The following PA2G4 variants were observed in gnomAD, a reference collection of about 807,000 sequenced individuals.
The protein encoded by PA2G4 is proliferation-associated protein 2G4.
A neutral mutation model predicts 53.3 loss-of-function variants in PA2G4; 8 were observed. The observed-to-expected ratio is 0.15, with a 90% confidence interval of 0.09 to 0.27. The LOEUF (loss-of-function observed/expected upper bound fraction) is 0.27. Ranked by LOEUF, PA2G4 falls within the 10% of genes least tolerant of loss-of-function variation. The pLI is 1.00. For missense variants in PA2G4, 208 were observed against 486.8 expected (o/e 0.43, Z 5.39); for synonymous variants, 143 against 169.8 (o/e 0.84, Z 1.23).
chr12:56,110,680 C>T lies in PA2G4; in HGVS notation c.830C>T (p.Pro277Leu), dbSNP rs1174918188. 3.1e-6 allele frequency: 5 copies of T among 1,614,036 alleles called. No individual in the cohort carries two copies. Among genetic ancestry groups the T allele is most frequent in the East Asian group, 2.2e-5 (1 of 44,884 alleles). ...SEVERRFDAMPFTLRAFEDEK... is the reference protein window; with the variant it reads ...SEVERRFDAMLFTLRAFEDEK... The stretch of plus-strand genomic sequence containing the variant: ...GTGGAAAGGCGTTTTGATGCCATGC[C>T]GTTTACTTTAAGGTACTAAGCAATG... Residue 277 changes from proline to leucine, a missense_variant, in exon 9 of 13, where the codon CCG becomes CTG. Around this residue, in one of 3 missense-constraint regions of PA2G4, gnomAD observed 143 missense variants for 386.8 expected, o/e 0.37. Transcript: ENST00000303305.
Position 56,112,834 on chromosome 12 carries a change from T to G in PA2G4, c.1131T>G (p.Thr377=). The change falls in exon 13 of 13, where the codon ACT becomes ACG. Residue 377 remains threonine, a synonymous_variant. Transcript: ENST00000303305. ...QKKKKKKASK[T]AENATSGETL... ...TTTCTTGCATATAGGCCTCCAAGAC[T>G]GCAGAGAATGCCACCAGTGGGGAAA... The G allele has an allele frequency of 6.3e-7, 1 of 1,584,860 alleles. No homozygotes were observed. The highest frequency in any genetic ancestry group is 1.4e-5 in the African/African-American group (1 of 72,564).
rs1869428275 is a variant in PA2G4, at chr12:56,111,660, A to G, written c.1119+131A>G. On this transcript the variant is annotated intron_variant, in intron 12 of 12. Coordinates refer to ENST00000303305, the MANE Select transcript of PA2G4 (RefSeq NM_006191.3). ...AACTTATATGATAGAACTTTGTCCC[A>G]GTAAACCCATCATAAATTGAAAATA... 4.2e-6 allele frequency: 3 copies of G among 719,348 alleles called. No homozygotes were observed. In the South Asian group the frequency reaches 5.6e-5, roughly 13 times the overall value. 44.6% of individuals were successfully genotyped at this position (719,348 alleles called of 1,614,324 possible).
chr12:56,111,539 TA>T lies in PA2G4; in HGVS notation c.1119+12del. On this transcript the variant is annotated intron_variant, in intron 12 of 12. Transcript: ENST00000303305. ...AAAGAAAAAAAAGAAGGTGTGTTAT[TA>T]ACGATCATTCCTCTCTGGCAGGGTG... 6.2e-7 allele frequency: 1 copy of T among 1,611,392 alleles called. No homozygotes were observed. The highest frequency in any genetic ancestry group is 8.5e-7 in the Non-Finnish European group (1 of 1,178,502).
At chr12:56,111,448 AT>A (rs745758456) in intron 11 of PA2G4, 27 bp from the exon 12 acceptor site, 3 of 1,611,776 alleles carry the variant, frequency 1.9e-6, no homozygotes, top group Non-Finnish European at 2.5e-6. Context: ...ATTTCTCAAA[AT>A]TTTTTTCCCT....
At chr12:56,110,799 ACT>A in intron 9 of PA2G4, 107 bp downstream of exon 9, 1 of 1,404,384 alleles carries the variant, frequency 7.1e-7, no homozygotes, top group Non-Finnish European at 1.0e-6. Context: ...GCATGTGCTC[ACT>A]CCCTCCCTCT....
In PA2G4 at chr12:56,104,741, T is replaced by G; in HGVS notation, c.4T>G (p.Ser2Ala). 6.2e-7 allele frequency: 1 copy of G among 1,613,638 alleles called. No individual in the cohort carries two copies. Among genetic ancestry groups the G allele is most frequent in the Non-Finnish European group, 8.5e-7 (1 of 1,179,898 alleles). The change falls in exon 1 of 13, where the codon TCG becomes GCG. Residue 2 changes from serine to alanine, a missense_variant. By Grantham distance (99) the Ser-to-Ala change is moderately conservative (BLOSUM62 1). Around this residue, in one of 3 missense-constraint regions of PA2G4, gnomAD observed 15 missense variants for 17.6 expected, o/e 0.85. Transcript: ENST00000303305. MSGEDEQQEQTI... is the reference protein window; with the variant it reads MAGEDEQQEQTI... ...CTGCAGTGGTGGTAGTAGGAAGATG[T>G]CGGGCGAGGACGAGCAACAGGAGCA...
rs1323175031 is a variant in PA2G4 at position 56,112,994 on chromosome 12, C to CG, written c.*112dup. 3 of 696,712 alleles carry CG rather than the reference C, an allele frequency of 4.3e-6. No individual in the cohort carries two copies. The highest frequency in any genetic ancestry group is 3.3e-5 in the Admixed American group (1 of 30,642). The allele number at this position is 696,712 out of a possible 1,614,324, so 43.2% of individuals were successfully genotyped here. A position where few individuals can be genotyped will look rare whatever the true frequency, so the allele number is the denominator to read the frequency against. On this transcript the variant is annotated 3_prime_UTR_variant, in exon 13 of 13. Coordinates refer to ENST00000303305, the MANE Select transcript of PA2G4 (RefSeq NM_006191.3). ...TCTCCACCTAGGACCGCCAGCAGAG[C>CG]GGGGGGATCTCCCTGCCCCCACCCC...
At chr12:56,106,349 T>C in intron 1 of PA2G4, 2 of 359,976 alleles carry the variant, frequency 5.6e-6, no homozygotes, top group Non-Finnish European at 1.0e-5. Context: ...CATAACTCTG[T>C]CCTGTCACAC....
Position 56,104,615 on chromosome 12 carries a change from C to T in PA2G4, c.-123C>T. ...CTGCCTGCCCGCTCCCTTGCTTGCT[C>T]GCGCTTTCGCTCGCCCTCTCCTCGA... On this transcript the variant is annotated 5_prime_UTR_variant, in exon 1 of 13. Transcript: ENST00000303305. 1 of 974,330 alleles carries T rather than the reference C, an allele frequency of 1.0e-6. No homozygotes were observed. The allele number at this position is 974,330 out of a possible 1,614,324, so 60.4% of individuals were successfully genotyped here. A position where few individuals can be genotyped will look rare whatever the true frequency, so the allele number is the denominator to read the frequency against.
chr12:56,104,958 C>T lies in PA2G4; in HGVS notation c.88+133C>T, dbSNP rs563532286. 80 of 864,298 alleles carry T rather than the reference C, an allele frequency of 9.3e-5. 1 individual carries two copies. In the South Asian group the frequency reaches 1.1e-3, roughly 12 times the overall value. 53.5% of individuals were successfully genotyped at this position (864,298 alleles called of 1,614,324 possible). A position where few individuals can be genotyped will look rare whatever the true frequency, so the allele number is the denominator to read the frequency against. ...GCCCGCACCGGTCCGCTGGGCACGGCGTGGTGGGAAGACCCGGTGTCGCGC... is the reference window on the plus strand; with the variant it reads ...GCCCGCACCGGTCCGCTGGGCACGGTGTGGTGGGAAGACCCGGTGTCGCGC... On this transcript the variant is annotated intron_variant, in intron 1 of 12. Coordinates refer to ENST00000303305, the MANE Select transcript of PA2G4 (RefSeq NM_006191.3).
chr12:56,111,629 C>T, intron 12 of PA2G4, 100 bp downstream of exon 12: 1 of 1,005,604 alleles, frequency 9.9e-7, no homozygotes, highest in Non-Finnish European at 1.5e-6. Flanking sequence ...TATACAGATG[C>T]TCCTCAACTT....
rs1270794481 is a variant in PA2G4 at position 56,109,268 on chromosome 12, C to T, written c.525C>T (p.His175=). 1.2e-6 allele frequency: 2 copies of T among 1,611,664 alleles called. No homozygotes were observed. The highest frequency in any genetic ancestry group is 1.7e-6 in the Non-Finnish European group (2 of 1,179,048). The change falls in exon 6 of 13, where the codon CAC becomes CAT. Residue 175 remains histidine (H), a synonymous_variant. Coordinates refer to ENST00000303305, the MANE Select transcript of PA2G4 (RefSeq NM_006191.3). ...CAGAAGCCTGGAACAAAGTTGCCCACTCATTTAACTGCACGCCAATAGAAG... is the reference window on the plus strand; with the variant it reads ...CAGAAGCCTGGAACAAAGTTGCCCATTCATTTAACTGCACGCCAATAGAAG... ...QVTEAWNKVA[H]SFNCTPIEGM... is the part of the protein sequence containing the mutation.
chr12:56,107,965 G>T (rs1869335796), intron 5 of PA2G4, among the ~76,000 whole-genome samples: 1 of 152,174 alleles, frequency 6.6e-6, no homozygotes, highest in African/African-American at 2.4e-5. Flanking sequence ...GGAGATTGAG[G>T]CTGTGCTGAG....
intron 6 of PA2G4, among the ~76,000 whole-genome samples, chr12:56,109,629 C>CAA (rs34060703): frequency 0.23 from 19,334 of 84,526 alleles, 2,373 homozygotes; most frequent in African/African-American, 0.43. Flanking sequence ...TCCTCCATCT[C>CAA]AAAAAAAAAA....
At chr12:56,110,506 G>A (rs762505202) in intron 8 of PA2G4, 29 bp downstream of exon 8, 2 of 1,613,694 alleles carry the variant, frequency 1.2e-6, no homozygotes, top group South Asian at 1.1e-5. Context: ...TTGGCAAAGA[G>A]GGGTGACTGA....
intron 1 of PA2G4, 31 bp from the exon 2 acceptor site, chr12:56,106,557 C>A: frequency 2.0e-6 from 3 of 1,513,090 alleles, no homozygotes; most frequent in Non-Finnish European, 1.8e-6. Flanking sequence ...TGAATACATA[C>A]AAGGCTGACA....
chr12:56,107,738 G>A, intron 5 of PA2G4, 125 bp downstream of exon 5: 1 of 618,642 alleles, frequency 1.6e-6, no homozygotes. Context: ...TTTAAAATTA[G>A]CTATATTTAG....
At position 56,111,456 on chromosome 12, in the gene PA2G4, C is replaced by T. The variant is rs78495700; in HGVS notation, c.1066-20C>T. 887 of 1,611,868 alleles carry T rather than the reference C, an allele frequency of 5.5e-4. 13 individuals are homozygous for T. The East Asian group carries it at 0.012, about 22-fold the overall frequency. ...CCTCCACATTTCTCAAAATTTTTTT[C>T]CCTTCTTCCTGTTTTCCAGGCCCTC... On this transcript the variant is annotated intron_variant, in intron 11 of 12. Transcript: ENST00000303305.
In PA2G4 at chr12:56,109,215, ATGT is replaced by A; in HGVS notation, c.487-11_487-9del. 2 of 1,588,408 alleles carry A rather than the reference ATGT, an allele frequency of 1.3e-6. No homozygotes were observed. The highest frequency in any genetic ancestry group is 1.7e-6 in the Non-Finnish European group (2 of 1,159,056). On this transcript the variant is annotated splice_polypyrimidine_tract_variant and intron_variant, in intron 5 of 12. Coordinates refer to ENST00000303305, the MANE Select transcript of PA2G4 (RefSeq NM_006191.3). ...CTCCTGATATCTCACCTTTCATTTG[ATGT>A]TGTACTTCTAGAACACACAAGTGAC... is the stretch of plus-strand genomic sequence containing the variant.
Sources: allele counts gnomAD v4.1 joint callset (sites outside exome capture counted in the v4.1 genomes callset), GRCh38; gene constraint gnomAD v4.1.1; regional missense constraint gnomAD v4.1.1; transcripts MANE v1.5; gene names NCBI Gene and HGNC (gene_info 2026-07-23, HGNC 2026-07-21).